The following THRB variants were observed in gnomAD, a reference collection of about 807,000 sequenced individuals.
The protein encoded by THRB is thyroid hormone receptor beta.
THRB carries 12 observed loss-of-function variants against 47.8 expected under a neutral mutation model. The ratio of observed to expected loss-of-function variants is 0.25; its 90% CI spans 0.16 to 0.41. The LOEUF is 0.41. Ranked by LOEUF, THRB falls within the 10% of genes least tolerant of loss-of-function variation. THRB has a pLI of 1.00. For missense variants in THRB, 348 were observed against 589.2 expected (o/e 0.59, Z 4.24); for synonymous variants, 218 against 212.2 (o/e 1.03, Z -0.24).
At chr3:24,369,164 T>A (rs561796720) in intron 1 of THRB, among the ~76,000 whole-genome samples, 8 of 152,266 alleles carry the variant, frequency 5.3e-5, no homozygotes, top group African/African-American at 1.9e-4. Flanking sequence ...ATCTTATATG[T>A]TTGCATTGGA....
chr3:24,388,992 TC>T (rs1265947523), intron 1 of THRB, among the ~76,000 whole-genome samples: 1 of 152,120 alleles, frequency 6.6e-6, no homozygotes, highest in Non-Finnish European at 1.5e-5. Context: ...AATAGAAAAC[TC>T]CCATCTCTAC....
chr3:24,437,060 GTA>G (rs566442202), intron 1 of THRB, among the ~76,000 whole-genome samples: 2 of 149,342 alleles, frequency 1.3e-5, no homozygotes. Context: ...ATAAAAATGT[GTA>G]TATATATATC....
intron 1 of THRB, among the ~76,000 whole-genome samples, chr3:24,342,153 C>CAAAAA (rs10574941): frequency 1.4e-5 from 2 of 138,878 alleles, no homozygotes; most frequent in African/African-American, 5.4e-5. Context: ...CTGTTGCGCT[C>CAAAAA]AAAAAAAAAA....
chr3:24,471,301 T>G (rs947958391), intron 1 of THRB, among the ~76,000 whole-genome samples: 13 of 152,156 alleles, frequency 8.5e-5, no homozygotes, highest in African/African-American at 3.1e-4. Flanking sequence ...GATGCAGCAA[T>G]CTGTATGTTA....
intron 1 of THRB, among the ~76,000 whole-genome samples, chr3:24,399,050 G>A (rs2067198023): frequency 6.6e-6 from 1 of 151,908 alleles, no homozygotes; most frequent in African/African-American, 2.4e-5. Context: ...GACACAGGAA[G>A]GGGAACATCA....
At chr3:24,226,423 A>G (rs1376472243) in intron 4 of THRB, among the ~76,000 whole-genome samples, 2 of 152,210 alleles carry the variant, frequency 1.3e-5, no homozygotes, top group African/African-American at 4.8e-5. Flanking sequence ...ATTTTCTCAT[A>G]TGAGCCCACT....
chr3:24,191,307 A>C (rs1280951884), intron 4 of THRB, among the ~76,000 whole-genome samples: 4 of 152,000 alleles, frequency 2.6e-5, no homozygotes, highest in Non-Finnish European at 5.9e-5. Flanking sequence ...AAAACAATCC[A>C]TCTGGTCATC....
chr3:24,319,747 A>T (rs1172781742), intron 2 of THRB, among the ~76,000 whole-genome samples: 2 of 152,256 alleles, frequency 1.3e-5, no homozygotes, highest in Non-Finnish European at 2.9e-5. Context: ...CAATGGACAG[A>T]TCCCCTAGAC....
At chr3:24,483,883 C>A (rs904593032) in intron 1 of THRB, 9 of 152,272 alleles carry the variant, frequency 5.9e-5, no homozygotes, top group African/African-American at 2.2e-4. Flanking sequence ...CCCATCCCAT[C>A]CCGCTTTATT....
At chr3:24,341,621 A>G (rs2062661909) in intron 1 of THRB, among the ~76,000 whole-genome samples, 1 of 152,114 alleles carries the variant, frequency 6.6e-6, no homozygotes, top group Non-Finnish European at 1.5e-5. Flanking sequence ...TTTATCATGT[A>G]ACTTTGTAGT....
intron 4 of THRB, among the ~76,000 whole-genome samples, chr3:24,208,653 A>C (rs899999521): frequency 6.6e-6 from 1 of 152,238 alleles, no homozygotes; most frequent in African/African-American, 2.4e-5. Context: ...CATATGTAGA[A>C]AGCTGAAACT....
At chr3:24,178,669 CACAGAAAGAAAA>C (rs752758717) in intron 5 of THRB, among the ~76,000 whole-genome samples, 28 of 152,096 alleles carry the variant, frequency 1.8e-4, no homozygotes, top group Non-Finnish European at 3.1e-4. Context: ...ATAGGCCAGG[CACAGAAAGAAAA>C]ACACTCCATG....
intron 3 of THRB, among the ~76,000 whole-genome samples, chr3:24,265,394 C>G (rs893965144): frequency 6.6e-6 from 1 of 152,116 alleles, no homozygotes; most frequent in East Asian, 1.9e-4. Flanking sequence ...TGTCTCAGTG[C>G]TTCTCAGTAA....
intron 2 of THRB, among the ~76,000 whole-genome samples, chr3:24,325,665 C>A (rs530553188): frequency 1.3e-5 from 2 of 152,030 alleles, no homozygotes; most frequent in Admixed American, 6.5e-5. Flanking sequence ...CCAGCCTGGG[C>A]GACAGAGTGA....
At chr3:24,198,911 G>C (rs2044280035) in intron 4 of THRB, among the ~76,000 whole-genome samples, 1 of 152,130 alleles carries the variant, frequency 6.6e-6, no homozygotes, top group Non-Finnish European at 1.5e-5. Context: ...GCTCCTAAGG[G>C]AATTGAGGAT....
intron 3 of THRB, among the ~76,000 whole-genome samples, chr3:24,286,476 G>A (rs2055311609): frequency 6.6e-6 from 1 of 152,152 alleles, no homozygotes; most frequent in African/African-American, 2.4e-5. Flanking sequence ...GAGGAATTTT[G>A]TACATAAGAG....
At position 24,190,298 on chromosome 3, in the gene THRB, C is replaced by T. The variant is rs765488277; in HGVS notation, c.59G>A (p.Cys20Tyr). Residue 20 changes from cysteine to tyrosine, a missense_variant, in exon 5 of 11, where the codon TGT (cysteine) becomes TAT (tyrosine). This residue lies in a region of THRB where 148 missense variants were observed against 122.3 expected (regional missense o/e 1.21). Transcript: ENST00000646209. The stretch of plus-strand genomic sequence containing the variant: ...CTTCCAGTCGTGTTCTCGGTCTGGA[C>T]AGTGCTTCGGTTTGTCCCAGGCTGT... The part of the protein sequence containing the change: ...GLTAWDKPKH[C>Y]PDREHDWKLV... 2 of 1,614,080 alleles carry T rather than the reference C, an allele frequency of 1.2e-6. No individual in the cohort carries two copies. Among genetic ancestry groups the T allele is most frequent in the Non-Finnish European group, 1.7e-6 (2 of 1,179,942 alleles).
chr3:24,131,415 A>G (rs971476585), intron 9 of THRB, among the ~76,000 whole-genome samples: 1 of 152,234 alleles, frequency 6.6e-6, no homozygotes, highest in Non-Finnish European at 1.5e-5. Flanking sequence ...CATGGCCAAC[A>G]CAGAGATATA....
At chr3:24,294,786 G>A (rs544481268) in intron 3 of THRB, among the ~76,000 whole-genome samples, 5 of 152,278 alleles carry the variant, frequency 3.3e-5, no homozygotes, top group African/African-American at 1.2e-4. Flanking sequence ...GTCATTTTGG[G>A]TCTAGAATTC....
Sources: gnomAD v4.1 joint callset for allele counts (sites outside exome capture counted in the v4.1 genomes callset) on GRCh38, gnomAD v4.1.1 for gene constraint, gnomAD v4.1.1 regional missense constraint, MANE v1.5 for transcripts, NCBI Gene and HGNC (gene_info 2026-07-23, HGNC 2026-07-21) for gene names.